DPY19L3: variants seen among roughly 807,000 people sequenced by gnomAD.
The protein encoded by DPY19L3 is protein C-mannosyl-transferase DPY19L3.
DPY19L3 carries 51 observed loss-of-function variants against 92.3 expected under a neutral mutation model. That is an observed-to-expected ratio of 0.55 (90% CI 0.44 to 0.70). DPY19L3 has a LOEUF of 0.70. Ranked by LOEUF, DPY19L3 falls within the 30% of genes least tolerant of loss-of-function variation. DPY19L3 has a pLI of 0.00. For synonymous variants in DPY19L3, 309 were observed against 315.2 expected (o/e 0.98, Z 0.21); for missense variants, 706 against 855.9 (o/e 0.82, Z 2.18).
chr19:32,444,077 G>A (rs534329487), intron 8 of DPY19L3, among the ~76,000 whole-genome samples: 153 of 150,748 alleles, frequency 1.0e-3, no homozygotes, highest in African/African-American at 3.4e-3. Flanking sequence ...TTAAGAATTA[G>A]GAAAATCTCT....
intron 12 of DPY19L3, among the ~76,000 whole-genome samples, chr19:32,460,618 G>A (rs749594074): frequency 6.6e-6 from 1 of 152,100 alleles, no homozygotes; most frequent in East Asian, 1.9e-4. Context: ...CAAAGTGATT[G>A]TGCTATGACC....
chr19:32,424,330 AAAG>A (rs1018690616), intron 3 of DPY19L3, among the ~76,000 whole-genome samples: 7 of 151,506 alleles, frequency 4.6e-5, no homozygotes, highest in Non-Finnish European at 8.8e-5. Context: ...TAAAAAAAAA[AAAG>A]AAATAAATAA....
In DPY19L3 at chr19:32,463,881, C is replaced by G. The variant is rs1970119900; in HGVS notation, c.1458C>G (p.Leu486=). Residue 486 remains leucine, a synonymous_variant, in exon 14 of 19, where the codon CTC becomes CTG. Coordinates refer to ENST00000392250, the MANE Select transcript of DPY19L3 (RefSeq NM_001172774.2). ...TCTGTTCTTGCAGAATGAAGTACCT[C>G]TGGACGTCACACATGTGTGTGTTCG... ...LALSTMRMKY[L]WTSHMCVFAS... The G allele has an allele frequency of 1.2e-6, 2 of 1,613,140 alleles. No homozygotes were observed. Among genetic ancestry groups the G allele is most frequent in the African/African-American group, 1.3e-5 (1 of 74,900 alleles).
chr19:32,477,920 A>G (rs2145637335), intron 17 of DPY19L3, among the ~76,000 whole-genome samples: 1 of 152,314 alleles, frequency 6.6e-6, no homozygotes, highest in African/African-American at 2.4e-5. Flanking sequence ...GTCATGTCAT[A>G]CATGGGTGGC....
In DPY19L3 at chr19:32,483,832, A is replaced by T. The variant is rs1057395; in HGVS notation, c.*1592A>T. 0.19 allele frequency: 29,167 copies of T among 152,594 alleles called. 2,930 individuals are homozygous for T. The highest frequency in any genetic ancestry group is 0.25 in the African/African-American group (10,564 of 41,510). 9.5% of individuals were successfully genotyped at this position (152,594 alleles called of 1,614,324 possible). A position where few individuals can be genotyped will look rare whatever the true frequency, so the allele number is the denominator to read the frequency against. ...ACAATAATAAAACGTTTTAATCAGT[A>T]CTAAAACTTTAATTAAGCCAATAAT... On this transcript the variant is annotated 3_prime_UTR_variant, in exon 19 of 19. Coordinates refer to ENST00000392250, the MANE Select transcript of DPY19L3 (RefSeq NM_001172774.2).
chr19:32,406,930 C>A (rs542758863), intron 1 of DPY19L3, among the ~76,000 whole-genome samples: 1 of 151,578 alleles, frequency 6.6e-6, no homozygotes, highest in South Asian at 2.1e-4. Flanking sequence ...TTAAACACTC[C>A]TCTTCTCCCT....
At chr19:32,467,945 C>T (rs1970246523) in intron 15 of DPY19L3, 2 of 985,374 alleles carry the variant, frequency 2.0e-6, no homozygotes, top group Non-Finnish European at 2.4e-6. Flanking sequence ...GGTATAAATA[C>T]AGCCAGATGT....
At chr19:32,410,537 A>G (rs1288620553) in intron 2 of DPY19L3, among the ~76,000 whole-genome samples, 1 of 152,134 alleles carries the variant, frequency 6.6e-6, no homozygotes, top group Non-Finnish European at 1.5e-5. Context: ...CCAGCACTTT[A>G]GGATCCCAGC....
intron 4 of DPY19L3, 49 bp downstream of exon 4, chr19:32,432,855 T>C: frequency 6.5e-7 from 1 of 1,548,576 alleles, no homozygotes; most frequent in Middle Eastern, 1.7e-4. Context: ...TTTTTTTCAA[T>C]ATTTTAGTGA....
At chr19:32,467,862 G>A (rs1970244220) in intron 15 of DPY19L3, 3 of 983,850 alleles carry the variant, frequency 3.0e-6, no homozygotes, top group Non-Finnish European at 3.6e-6. Context: ...AGATAAGTGG[G>A]TAATTCAGAG....
intron 10 of DPY19L3, among the ~76,000 whole-genome samples, chr19:32,455,900 G>A (rs764199485): frequency 3.9e-5 from 6 of 151,998 alleles, no homozygotes; most frequent in Non-Finnish European, 7.4e-5. Flanking sequence ...TTATGCTAGA[G>A]CAAAACTACA....
chr19:32,471,422 T>G (rs1038828283), intron 16 of DPY19L3, among the ~76,000 whole-genome samples: 2 of 152,158 alleles, frequency 1.3e-5, no homozygotes, highest in African/African-American at 2.4e-5. Context: ...CAGCCTCCAT[T>G]AGGGGAGGGA....
intron 12 of DPY19L3, 124 bp downstream of exon 12, chr19:32,458,633 C>CAT (rs1969944211): frequency 2.0e-6 from 2 of 1,007,424 alleles, no homozygotes; most frequent in Middle Eastern, 2.9e-4. Flanking sequence ...AAAGGGGGAA[C>CAT]ATACCTCGTT....
chr19:32,439,100 T>C lies in DPY19L3; in HGVS notation c.597-12T>C. 6.3e-7 allele frequency: 1 copy of C among 1,591,496 alleles called. No homozygotes were observed. The highest frequency in any genetic ancestry group is 8.5e-7 in the Non-Finnish European group (1 of 1,169,776). On this transcript the variant is annotated splice_polypyrimidine_tract_variant and intron_variant, in intron 6 of 18. Coordinates refer to ENST00000392250, the MANE Select transcript of DPY19L3 (RefSeq NM_001172774.2). ...ACTATCACTTTGGCCATTTGTGTTT[T>C]CTTTTGTGCAGAATAGATACCACAA... is the stretch of plus-strand genomic sequence containing the variant.
At chr19:32,473,937 G>T (rs1210098231) in intron 16 of DPY19L3, among the ~76,000 whole-genome samples, 1 of 152,110 alleles carries the variant, frequency 6.6e-6, no homozygotes, top group African/African-American at 2.4e-5. Flanking sequence ...CCAGGTAGTG[G>T]GACTACAGGC....
rs1439141504 is a variant in DPY19L3 at position 32,411,150 on chromosome 19, A to G, written c.104-89A>G. ...AGCTTTCCCAGTGACAGGCAGCTAGACTTAGCTTACTTGATAATCTGAAGT... is the reference window on the plus strand; with the variant it reads ...AGCTTTCCCAGTGACAGGCAGCTAGGCTTAGCTTACTTGATAATCTGAAGT... On this transcript the variant is annotated intron_variant, in intron 2 of 18. Transcript: ENST00000392250. 23 of 1,391,362 alleles carry G rather than the reference A, an allele frequency of 1.7e-5. No homozygotes were observed. In the Admixed American group the frequency reaches 1.9e-4, roughly 12 times the overall value. 86.2% of individuals were successfully genotyped at this position (1,391,362 alleles called of 1,614,324 possible).
At chr19:32,468,649 A>T in intron 15 of DPY19L3, 82 bp from the exon 16 acceptor site, 1 of 1,564,470 alleles carries the variant, frequency 6.4e-7, no homozygotes, top group Non-Finnish European at 8.6e-7. Context: ...TATGCAGTTT[A>T]TCTTTTTTTC....
At chr19:32,477,306 T>G (rs1599679925) in intron 16 of DPY19L3, among the ~76,000 whole-genome samples, 1 of 150,052 alleles carries the variant, frequency 6.7e-6, no homozygotes, top group Non-Finnish European at 1.5e-5. Context: ...GTAACTGAGG[T>G]TTTTGCCATT....
intron 3 of DPY19L3, among the ~76,000 whole-genome samples, chr19:32,426,373 C>T (rs1968765159): frequency 1.3e-5 from 2 of 152,214 alleles, no homozygotes. Context: ...TGGAGTAGCA[C>T]TTTTAATTTC....
Sources: allele counts gnomAD v4.1 joint callset (sites outside exome capture counted in the v4.1 genomes callset), GRCh38; gene constraint gnomAD v4.1.1; transcripts MANE v1.5; gene names NCBI Gene and HGNC (gene_info 2026-07-23, HGNC 2026-07-21).